The following XKR6 variants were observed in gnomAD, a reference collection of about 807,000 sequenced individuals.
XKR6 encodes XK-related protein 6.
A neutral mutation model predicts 56.7 loss-of-function variants in XKR6; 22 were observed. That is an observed-to-expected ratio of 0.39 (90% CI 0.28 to 0.55). XKR6 has a LOEUF of 0.55. Among genes scored for constraint, XKR6 ranks in the 20% least tolerant of loss-of-function variants. The pLI is 0.66. For missense variants in XKR6, 852 were observed against 889.0 expected (o/e 0.96, Z 0.53); for synonymous variants, 524 against 387.8 (o/e 1.35, Z -4.13).
chr8:11,093,395 G>T (rs1798148838), intron 1 of XKR6, among the ~76,000 whole-genome samples: 1 of 150,524 alleles, frequency 6.6e-6, no homozygotes, highest in East Asian at 1.9e-4. Flanking sequence ...TCAAGTCAAA[G>T]CCTCACCCAC....
At chr8:11,037,330 G>A (rs540102424) in intron 1 of XKR6, among the ~76,000 whole-genome samples, 130 of 152,208 alleles carry the variant, frequency 8.5e-4, no homozygotes, top group African/African-American at 2.9e-3. Flanking sequence ...GGCTCAAGCC[G>A]TCCTCCTGCC....
At chr8:11,082,066 G>A (rs994347822) in intron 1 of XKR6, among the ~76,000 whole-genome samples, 1 of 152,220 alleles carries the variant, frequency 6.6e-6, no homozygotes, top group Non-Finnish European at 1.5e-5. Context: ...CCAGGCTGGT[G>A]TAGGCTTTGC....
intron 1 of XKR6, among the ~76,000 whole-genome samples, chr8:11,058,966 T>A (rs1480645351): frequency 1.3e-5 from 2 of 152,188 alleles, no homozygotes; most frequent in African/African-American, 4.8e-5. Flanking sequence ...CGCAGCCAGG[T>A]GGGTGGGATT....
intron 2 of XKR6, among the ~76,000 whole-genome samples, chr8:10,912,770 T>C (rs1800440886): frequency 6.9e-6 from 1 of 145,474 alleles, no homozygotes; most frequent in African/African-American, 2.6e-5. Context: ...TGAGTATATA[T>C]AAAGAGGGTG....
At chr8:10,926,962 C>A (rs1318824051) in intron 1 of XKR6, among the ~76,000 whole-genome samples, 1 of 152,174 alleles carries the variant, frequency 6.6e-6, no homozygotes, top group Non-Finnish European at 1.5e-5. Context: ...GACAGTGAGA[C>A]AGACACACAC....
At chr8:11,079,841 C>T (rs927270315) in intron 1 of XKR6, among the ~76,000 whole-genome samples, 1 of 152,166 alleles carries the variant, frequency 6.6e-6, no homozygotes, top group Admixed American at 6.5e-5. Flanking sequence ...GTGGCGTGCA[C>T]CTGTAGACCC....
Position 11,043,606 on chromosome 8 carries a change from T to C in XKR6, c.765-118776A>G, listed in dbSNP as rs1422029960. Among the ~76,000 whole-genome samples, 4 of 152,222 alleles carry C rather than the reference T, an allele frequency of 2.6e-5. 1 individual carries two copies. Among genetic ancestry groups the C allele is most frequent in the African/African-American group, 9.6e-5 (4 of 41,454 alleles). ...CTGGGCAGAGTCAGTCCAGGAAATC[T>C]CTACTGAATGAAAAGGTGTTCCCAC... On this transcript the variant is annotated intron_variant, in intron 1 of 2. Coordinates refer to ENST00000416569, the MANE Select transcript of XKR6 (RefSeq NM_173683.4).
At chr8:11,084,751 C>T (rs1797832090) in intron 1 of XKR6, among the ~76,000 whole-genome samples, 1 of 152,112 alleles carries the variant, frequency 6.6e-6, no homozygotes, top group African/African-American at 2.4e-5. Context: ...TAGCTATTTC[C>T]CAAGGCTCAG....
intron 1 of XKR6, among the ~76,000 whole-genome samples, chr8:11,166,239 A>G (rs909651887): frequency 6.6e-6 from 1 of 152,190 alleles, no homozygotes; most frequent in Non-Finnish European, 1.5e-5. Context: ...GTTACTATAA[A>G]GTTGTATATA....
rs771069657 is a variant in XKR6 at position 11,195,165 on chromosome 8, T to C, written c.764+5411A>G. 13 of 703,318 alleles carry C rather than the reference T, an allele frequency of 1.8e-5. 1 individual carries two copies. In the South Asian group the frequency reaches 1.9e-4, roughly 10 times the overall value. 43.6% of individuals were successfully genotyped at this position (703,318 alleles called of 1,614,324 possible). A position where few individuals can be genotyped will look rare whatever the true frequency, so the allele number is the denominator to read the frequency against. On this transcript the variant is annotated intron_variant, in intron 1 of 2. Transcript: ENST00000416569. Reference sequence around the variant, plus strand: ...AAGGGAAGAAACCAGGTGAGGCAACTTCATGTGGTTAAATCTGCTCCTTCT... The same window carrying C: ...AAGGGAAGAAACCAGGTGAGGCAACCTCATGTGGTTAAATCTGCTCCTTCT...
chr8:11,122,061 T>C (rs1270710138), intron 1 of XKR6, among the ~76,000 whole-genome samples: 1 of 152,174 alleles, frequency 6.6e-6, no homozygotes. Context: ...CAGTGTGCCA[T>C]AAAGTGAGTG....
At chr8:11,126,120 G>C (rs967727793) in intron 1 of XKR6, 6 of 151,766 alleles carry the variant, frequency 4.0e-5, no homozygotes, top group African/African-American at 1.4e-4. Flanking sequence ...CCAGACTGAA[G>C]TGCAGTGGCA....
intron 1 of XKR6, among the ~76,000 whole-genome samples, chr8:11,111,412 T>A (rs1405336752): frequency 6.6e-6 from 1 of 152,280 alleles, no homozygotes; most frequent in East Asian, 1.9e-4. Context: ...TGGATATAAT[T>A]TGGGTGGACT....
intron 1 of XKR6, among the ~76,000 whole-genome samples, chr8:10,970,526 C>G (rs748423643): frequency 6.6e-5 from 10 of 151,882 alleles, no homozygotes; most frequent in African/African-American, 9.7e-5. Flanking sequence ...TGTCACAGCC[C>G]AGAAATGCCC....
At chr8:11,076,860 T>C (rs1800287611) in intron 1 of XKR6, among the ~76,000 whole-genome samples, 1 of 152,168 alleles carries the variant, frequency 6.6e-6, no homozygotes, top group African/African-American at 2.4e-5. Flanking sequence ...CAAGTAATAG[T>C]TTGATTCCTT....
At chr8:11,007,086 CA>C (rs923679114) in intron 1 of XKR6, among the ~76,000 whole-genome samples, 2 of 151,816 alleles carry the variant, frequency 1.3e-5, no homozygotes, top group Admixed American at 6.6e-5. Context: ...AGAGCTGCTA[CA>C]AAAAAAAGTC....
chr8:10,938,529 C>G (rs749510958), intron 1 of XKR6, among the ~76,000 whole-genome samples: 1 of 152,222 alleles, frequency 6.6e-6, no homozygotes, highest in African/African-American at 2.4e-5. Context: ...TAAAAAGGAA[C>G]AAACCACTGA....
chr8:11,129,407 C>A (rs553706042), intron 1 of XKR6, among the ~76,000 whole-genome samples: 14 of 151,984 alleles, frequency 9.2e-5, no homozygotes, highest in African/African-American at 2.9e-4. Flanking sequence ...TTAACAACAA[C>A]AAAAAAATAT....
intron 1 of XKR6, among the ~76,000 whole-genome samples, chr8:11,127,505 T>C (rs1000217200): frequency 6.6e-6 from 1 of 152,206 alleles, no homozygotes; most frequent in African/African-American, 2.4e-5. Flanking sequence ...CTGGAGACTC[T>C]AGAGAAGAAT....
Sources: gnomAD v4.1 joint callset for allele counts (sites outside exome capture counted in the v4.1 genomes callset) on GRCh38, gnomAD v4.1.1 for gene constraint, MANE v1.5 for transcripts, NCBI Gene and HGNC (gene_info 2026-07-23, HGNC 2026-07-21) for gene names.